Variants in POR observed in about 807,000 individuals in gnomAD.
POR encodes NADPH--cytochrome P450 reductase.
In POR, 56 loss-of-function variants were observed where a neutral mutation model predicts 84.0. The observed-to-expected ratio is 0.67, with a 90% CI of 0.54 to 0.83. The LOEUF is 0.83. POR is among the 40% of genes least tolerant of loss of function. The pLI is 0.00. For missense variants in POR, 938 were observed against 944.3 expected (o/e 0.99, Z 0.09); for synonymous variants, 414 against 400.5 (o/e 1.03, Z -0.40).
Position 75,984,871 on chromosome 7 carries a change from C to T in POR, c.1161C>T (p.Asn387=), listed in dbSNP as rs1554558784. ...ACATCACCAACCCGCCGCGTACCAA[C>T]GTGCTGTACGAGCTGGCGCAGTACG... Residue 387 remains asparagine, a synonymous_variant, in exon 11 of 16, where the codon AAC becomes AAT. Coordinates refer to ENST00000461988, the MANE Select transcript of POR (RefSeq NM_000941.3). The T allele has an allele frequency of 5.6e-6, 9 of 1,612,574 alleles. No homozygotes were observed. The highest frequency in any genetic ancestry group is 5.0e-5 in the Admixed American group (3 of 60,016).
intron 1 of POR, among the ~76,000 whole-genome samples, chr7:75,948,120 G>A (rs996145648): frequency 1.8e-4 from 27 of 152,318 alleles, no homozygotes; most frequent in Non-Finnish European, 3.5e-4. Context: ...AGAGGGCGGT[G>A]AGCACAGCCC....
At chr7:75,951,340 G>A (rs1434179251) in intron 1 of POR, among the ~76,000 whole-genome samples, 2 of 152,088 alleles carry the variant, frequency 1.3e-5, no homozygotes, top group Non-Finnish European at 2.9e-5. Flanking sequence ...GTTGCAGTGA[G>A]TCGAGATGGT....
chr7:75,932,844 C>T (rs2116285061), intron 1 of POR, among the ~76,000 whole-genome samples: 1 of 151,866 alleles, frequency 6.6e-6, no homozygotes, highest in East Asian at 1.9e-4. Flanking sequence ...ATAGTGAAAC[C>T]CCATCTCTAC....
intron 10 of POR, among the ~76,000 whole-genome samples, chr7:75,984,254 A>G (rs1033871806): frequency 6.6e-6 from 1 of 152,116 alleles, no homozygotes; most frequent in Non-Finnish European, 1.5e-5. Context: ...CAGGCCCCCA[A>G]GGGTGCACAG....
intron 5 of POR, chr7:75,980,804 G>A: frequency 7.7e-7 from 1 of 1,302,182 alleles, no homozygotes; most frequent in Non-Finnish European, 1.0e-6. Flanking sequence ...GGGTGGGCTG[G>A]CCCCGCTTCC....
chr7:75,968,821 C>T (rs987721769), intron 2 of POR, among the ~76,000 whole-genome samples: 1 of 152,252 alleles, frequency 6.6e-6, no homozygotes, highest in Non-Finnish European at 1.5e-5. Context: ...CCCCTGTCCA[C>T]TCCCAGGGCC....
chr7:75,936,749 A>C (rs1001954340), intron 1 of POR, among the ~76,000 whole-genome samples: 1 of 151,600 alleles, frequency 6.6e-6, no homozygotes, highest in Non-Finnish European at 1.5e-5. Flanking sequence ...GCAGAAGCCG[A>C]CTTCAGAACT....
rs199962786 is a variant in POR, at chr7:75,917,380, C to CTTTTTTTTTTTTTTTTTTTTTTTTT, written c.-5+2203_-5+2204insTTTTTTTTTTTTTTTTTTTTTTTTT. Reference sequence around the variant, plus strand: ...ACCGTTCCTGGCTTTCTTATTTCTTCTTCTTTTTTTTTTTTTTTTTTCTGA... The same window carrying CTTTTTTTTTTTTTTTTTTTTTTTTT: ...ACCGTTCCTGGCTTTCTTATTTCTTCTTTTTTTTTTTTTTTTTTTTTTTTTTTCTTTTTTTTTTTTTTTTTTCTGA... On this transcript the variant is annotated intron_variant, in intron 1 of 15. Coordinates refer to ENST00000461988, the MANE Select transcript of POR (RefSeq NM_000941.3). Among the ~76,000 whole-genome samples the CTTTTTTTTTTTTTTTTTTTTTTTTT allele has an allele frequency of 2.4e-5, 3 of 125,976 alleles. 1 individual carries two copies. Among genetic ancestry groups the CTTTTTTTTTTTTTTTTTTTTTTTTT allele is most frequent in the Admixed American group, 1.5e-4 (2 of 13,270 alleles). The allele number at this position is 125,976 out of a possible 152,430, so 82.6% of individuals were successfully genotyped here. A position where few individuals can be genotyped will look rare whatever the true frequency, so the allele number is the denominator to read the frequency against.
chr7:75,935,620 TGTGTGTG>T (rs1163552006), intron 1 of POR, among the ~76,000 whole-genome samples: 18 of 6,464 alleles, frequency 2.8e-3, no homozygotes, highest in African/African-American at 0.01. Flanking sequence ...GCTCGGGGCT[TGTGTGTG>T]TGTGTGTGTG....
At chr7:75,962,553 T>G (rs538694767) in intron 2 of POR, among the ~76,000 whole-genome samples, 159 of 152,338 alleles carry the variant, frequency 1.0e-3, no homozygotes, top group South Asian at 2.9e-3. Flanking sequence ...TCCTCTTGCC[T>G]CAGCCTCCCA....
chr7:75,919,981 A>G (rs977046456), intron 1 of POR, among the ~76,000 whole-genome samples: 6 of 151,732 alleles, frequency 4.0e-5, no homozygotes, highest in African/African-American at 9.7e-5. Flanking sequence ...CGTCAGTTTC[A>G]AGGCTAACTT....
chr7:75,932,308 G>A (rs1490712374), intron 1 of POR, among the ~76,000 whole-genome samples: 2 of 151,926 alleles, frequency 1.3e-5, no homozygotes, highest in Non-Finnish European at 2.9e-5. Context: ...AGCCCCCCGA[G>A]TAGCTAGAAC....
intron 1 of POR, among the ~76,000 whole-genome samples, chr7:75,941,459 A>G (rs1554551478): frequency 6.6e-6 from 1 of 152,162 alleles, no homozygotes; most frequent in African/African-American, 2.4e-5. Flanking sequence ...GAGGTCAAGT[A>G]ACCCGTTCAG....
rs782070983 is a variant in POR, at chr7:75,980,545, A to G, written c.516+57A>G. 10 of 1,611,762 alleles carry G rather than the reference A, an allele frequency of 6.2e-6. 1 individual carries two copies. The South Asian group carries it at 1.1e-4, about 18-fold the overall frequency. Reference sequence around the variant, plus strand: ...GGTGGCCTGCGGTGCCTCCCTGGGGACTCCAGATCCATGTATCTGAAAGGC... The same window carrying G: ...GGTGGCCTGCGGTGCCTCCCTGGGGGCTCCAGATCCATGTATCTGAAAGGC... On this transcript the variant is annotated intron_variant, in intron 5 of 15. Transcript: ENST00000461988.
chr7:75,951,490 G>A (rs1167836436), intron 1 of POR, among the ~76,000 whole-genome samples: 1 of 152,180 alleles, frequency 6.6e-6, no homozygotes, highest in Non-Finnish European at 1.5e-5. Context: ...AAAGACCCAA[G>A]CTTGCGGGCC....
Position 75,979,721 on chromosome 7 carries a change from G to A in POR, c.366+142G>A. ...TCCTCGGAAGTTGCCTTCCCGTGAG[G>A]GTCATTGCCATCCCTGCCCGGGCTG... On this transcript the variant is annotated intron_variant, in intron 4 of 15. Coordinates refer to ENST00000461988, the MANE Select transcript of POR (RefSeq NM_000941.3). 3 of 1,179,978 alleles carry A rather than the reference G, an allele frequency of 2.5e-6. No homozygotes were observed. In the South Asian group the frequency reaches 4.4e-5, roughly 17 times the overall value. The allele number at this position is 1,179,978 out of a possible 1,614,324, so 73.1% of individuals were successfully genotyped here.
intron 2 of POR, among the ~76,000 whole-genome samples, chr7:75,954,999 C>T (rs551728613): frequency 6.6e-6 from 1 of 152,172 alleles, no homozygotes; most frequent in African/African-American, 2.4e-5. Context: ...TGAGCCGTTG[C>T]GCCCAGTCAA....
chr7:75,952,255 C>T (rs868971907), intron 1 of POR, among the ~76,000 whole-genome samples: 216 of 136,130 alleles, frequency 1.6e-3, no homozygotes, highest in African/African-American at 6.1e-3. Context: ...CCCCACCTCC[C>T]TCCCGGACGG....
intron 4 of POR, 125 bp downstream of exon 4, chr7:75,979,704 A>C (rs1353333330): frequency 5.1e-6 from 7 of 1,378,078 alleles, no homozygotes; most frequent in Non-Finnish European, 6.9e-6. Context: ...CGTCCTCGGA[A>C]GTTGCCTTCC....
Sources: allele counts gnomAD v4.1 joint callset (sites outside exome capture counted in the v4.1 genomes callset), GRCh38; gene constraint gnomAD v4.1.1; transcripts MANE v1.5; gene names NCBI Gene and HGNC (gene_info 2026-07-23, HGNC 2026-07-21).